Variants in RFXANK observed in about 807,000 individuals in gnomAD.
RFXANK encodes the protein regulatory factor X associated ankyrin containing protein.
A neutral mutation model predicts 34.5 loss-of-function variants in RFXANK; 19 were observed. The observed-to-expected ratio is 0.55, with a 90% CI of 0.38 to 0.81. The LOEUF (loss-of-function observed/expected upper bound fraction) is 0.81, where lower values mean the gene tolerates loss of function less well. RFXANK is among the 30% of genes least tolerant of loss of function. RFXANK has a pLI of 0.00. For synonymous variants in RFXANK, 154 were observed against 149.8 expected (o/e 1.03, Z -0.20); for missense variants, 295 against 343.5 (o/e 0.86, Z 1.12).
At chr19:19,200,210 C>T (rs1485873385) in intron 9 of RFXANK, among the ~76,000 whole-genome samples, 6 of 144,288 alleles carry the variant, frequency 4.2e-5, no homozygotes, top group South Asian at 2.2e-4. Context: ...TGGAGTCTCG[C>T]GCTGTCACCC....
At chr19:19,199,357 T>C (rs2146500821) in intron 9 of RFXANK, 123 bp downstream of exon 9, 2 of 938,522 alleles carry the variant, frequency 2.1e-6, no homozygotes, top group Non-Finnish European at 3.5e-6. Context: ...TGACAGGTGT[T>C]GAGCACTGCT....
At chr19:19,197,960 C>T (rs2146491183) in intron 6 of RFXANK, 147 bp from the exon 7 acceptor site, 7 of 1,107,164 alleles carry the variant, frequency 6.3e-6, no homozygotes, top group Admixed American at 5.4e-5. Context: ...AGCAGTGAGC[C>T]GAGATTGCGC....
chr19:19,193,544 T>G (rs1174980913), intron 2 of RFXANK, among the ~76,000 whole-genome samples: 3 of 150,798 alleles, frequency 2.0e-5, no homozygotes, highest in Non-Finnish European at 4.4e-5. Flanking sequence ...GCCTCCCGAG[T>G]AGCTGGGATC....
In RFXANK at chr19:19,192,477, T is replaced by C. The variant is rs1238034296; in HGVS notation, c.-227T>C. On this transcript the variant is annotated 5_prime_UTR_variant, in exon 1 of 10. Coordinates refer to ENST00000303088, the MANE Select transcript of RFXANK (RefSeq NM_003721.4). ...ACTCGGGCCGCAAAAACTCCCTTCTTTAGCCCTCTGCCCCCGCCCTTGCTT... is the reference window on the plus strand; with the variant it reads ...ACTCGGGCCGCAAAAACTCCCTTCTCTAGCCCTCTGCCCCCGCCCTTGCTT... The C allele has an allele frequency of 1.2e-5, 4 of 338,844 alleles. No individual in the cohort carries two copies. Among genetic ancestry groups the C allele is most frequent in the African/African-American group, 8.5e-5 (4 of 46,980 alleles). The allele number at this position is 338,844 out of a possible 1,614,324, so 21.0% of individuals were successfully genotyped here.
chr19:19,197,421 C>A (rs2060619783), intron 5 of RFXANK, 100 bp from the exon 6 acceptor site: 2 of 1,300,088 alleles, frequency 1.5e-6, no homozygotes, highest in African/African-American at 2.9e-5. Context: ...CCCCTCATTC[C>A]CCTGTCTAAC....
At chr19:19,198,836 A>G (rs1220016689) in intron 8 of RFXANK, 113 bp downstream of exon 8, 3 of 1,064,774 alleles carry the variant, frequency 2.8e-6, no homozygotes, top group Non-Finnish European at 4.3e-6. Flanking sequence ...TGGAGCAGGT[A>G]GTCCCTGCCT....
chr19:19,196,575 A>AT (rs1439938755), intron 3 of RFXANK, among the ~76,000 whole-genome samples: 1 of 142,174 alleles, frequency 7.0e-6, no homozygotes, highest in Non-Finnish European at 1.5e-5. Context: ...AAAAAAAAAA[A>AT]CCCCAATAGC....
At position 19,193,967 on chromosome 19, in the gene RFXANK, A is replaced by C. The variant is rs545555482; in HGVS notation, c.21A>C (p.Ala7=). Residue 7 remains alanine, a synonymous_variant, in exon 3 of 10, where the codon GCA becomes GCC. Transcript: ENST00000303088. MELTQP[A]EDLIQTQQTP... is the part of the protein sequence containing the mutation. The stretch of plus-strand genomic sequence containing the variant: ...TCCCCATGGAGCTTACCCAGCCTGC[A>C]GAAGACCTCATCCAGACCCAGCAGA... The C allele has an allele frequency of 8.7e-6, 14 of 1,614,232 alleles. No individual in the cohort carries two copies. In the East Asian group the frequency reaches 3.1e-4, roughly 36 times the overall value.
Position 19,197,552 on chromosome 19 carries a change from C to T in RFXANK, c.369C>T (p.Arg123=), listed in dbSNP as rs894644524. ...ACCTCGTCAACAAGCCAGACGAGCGCGGCTTCACCCCCCTCATCTGGGCCT... is the reference window on the plus strand; with the variant it reads ...ACCTCGTCAACAAGCCAGACGAGCGTGGCTTCACCCCCCTCATCTGGGCCT... ...GDNLVNKPDE[R]GFTPLIWASA... is the part of the protein sequence containing the mutation. Residue 123 remains arginine, a synonymous_variant, in exon 6 of 10, where the codon CGC becomes CGT. Coordinates refer to ENST00000303088, the MANE Select transcript of RFXANK (RefSeq NM_003721.4). The T allele has an allele frequency of 6.2e-6, 10 of 1,613,932 alleles. No homozygotes were observed. The highest frequency in any genetic ancestry group is 2.2e-5 in the East Asian group (1 of 44,882).
chr19:19,194,644 G>C (rs1230115981), intron 3 of RFXANK, among the ~76,000 whole-genome samples: 3 of 151,768 alleles, frequency 2.0e-5, no homozygotes, highest in African/African-American at 7.3e-5. Context: ...CCATCACTCA[G>C]CCTCCCTAGG....
intron 9 of RFXANK, 58 bp from the exon 10 acceptor site, chr19:19,201,591 G>T: frequency 6.2e-7 from 1 of 1,612,546 alleles, no homozygotes. Flanking sequence ...GTTGGCCTGT[G>T]CCTCCACCCC....
intron 5 of RFXANK, 51 bp downstream of exon 5, chr19:19,197,302 C>T (rs1296029008): frequency 6.3e-7 from 1 of 1,580,206 alleles, no homozygotes; most frequent in Non-Finnish European, 8.7e-7. Context: ...CTGGTGTGTG[C>T]ATATGGGTGT....
chr19:19,195,746 T>TC (rs1237650612), intron 3 of RFXANK, among the ~76,000 whole-genome samples: 1 of 145,858 alleles, frequency 6.9e-6, no homozygotes, highest in African/African-American at 2.5e-5. Context: ...AATTTTTTTT[T>TC]TTTTTTTTTT....
chr19:19,200,630 T>C (rs1281344380), intron 9 of RFXANK, among the ~76,000 whole-genome samples: 1 of 151,500 alleles, frequency 6.6e-6, no homozygotes, highest in East Asian at 1.9e-4. Flanking sequence ...AAATCTTTTT[T>C]ATTTATTTTT....
chr19:19,197,603 T>G lies in RFXANK; in HGVS notation c.420T>G (p.Val140=). 6.2e-7 allele frequency: 1 copy of G among 1,613,758 alleles called. No homozygotes were observed. The highest frequency in any genetic ancestry group is 8.5e-7 in the Non-Finnish European group (1 of 1,179,986). ...WASAFGEIET[V]RFLLEWGADP... ...CCGCCTTTGGAGAGATTGAGACCGTTCGCTTCCTGCTGGAGTGGGTGCGTC... is the reference window on the plus strand; with the variant it reads ...CCGCCTTTGGAGAGATTGAGACCGTGCGCTTCCTGCTGGAGTGGGTGCGTC... Residue 140 remains valine, a synonymous_variant, in exon 6 of 10, where the codon GTT becomes GTG. Transcript: ENST00000303088.
chr19:19,199,044 C>T, intron 8 of RFXANK, 110 bp from the exon 9 acceptor site: 1 of 1,106,114 alleles, frequency 9.0e-7, no homozygotes, highest in Non-Finnish European at 1.4e-6. Context: ...ACGGGCAGAC[C>T]CACGGCTGCA....
chr19:19,196,740 C>T (rs549594665), intron 3 of RFXANK, among the ~76,000 whole-genome samples: 83 of 152,136 alleles, frequency 5.5e-4, no homozygotes, highest in African/African-American at 2.0e-3. Context: ...TGGTGGGCGC[C>T]TATGATCCCA....
chr19:19,193,298 G>C (rs893106357), intron 2 of RFXANK, among the ~76,000 whole-genome samples, 198 bp downstream of exon 2: 6 of 151,910 alleles, frequency 3.9e-5, no homozygotes, highest in Non-Finnish European at 8.8e-5. Context: ...ACATTTTGTC[G>C]TGGAGGAAAC....
At position 19,196,068 on chromosome 19, in the gene RFXANK, A is replaced by G. The variant is rs536024956; in HGVS notation, c.188-895A>G. On this transcript the variant is annotated intron_variant, in intron 3 of 9. Transcript: ENST00000303088. ...TAAGTTCTTTTGAACACTTATTTCAACTTGAAGTTTTTTATTATTTCTCTA... is the reference window on the plus strand; with the variant it reads ...TAAGTTCTTTTGAACACTTATTTCAGCTTGAAGTTTTTTATTATTTCTCTA... Among the ~76,000 whole-genome samples, 120 of 152,128 alleles carry G rather than the reference A, an allele frequency of 7.9e-4. 1 individual carries two copies. The highest frequency in any genetic ancestry group is 3.3e-3 in the South Asian group (16 of 4,816).
Sources: allele counts gnomAD v4.1 joint callset (sites outside exome capture counted in the v4.1 genomes callset), GRCh38; gene constraint gnomAD v4.1.1; transcripts MANE v1.5; gene names NCBI Gene and HGNC (gene_info 2026-07-23, HGNC 2026-07-21).